The following LRRFIP1 variants were observed in gnomAD, a reference collection of about 807,000 sequenced individuals.
LRRFIP1 encodes the protein LRR binding FLII interacting protein 1.
Under a neutral mutation model 104.4 loss-of-function variants are expected in LRRFIP1, and 62 were observed. The ratio of observed to expected loss-of-function variants is 0.59; its 90% CI spans 0.48 to 0.73. LRRFIP1 has a LOEUF of 0.73. Ranked by LOEUF, LRRFIP1 falls within the 30% of genes least tolerant of loss-of-function variation. The probability of loss-of-function intolerance (pLI) is 0.00; values close to 1 mark genes in which losing one functional copy is unlikely to be tolerated. For missense variants in LRRFIP1, 796 were observed against 824.5 expected (o/e 0.97, Z 0.42); for synonymous variants, 300 against 299.0 (o/e 1.00, Z -0.03).
rs1012474794 is a variant in LRRFIP1 at position 237,692,259 on chromosome 2, C to A, written c.97-16285C>A. 9 of 1,148,398 alleles carry A rather than the reference C, an allele frequency of 7.8e-6. No homozygotes were observed. The African/African-American group carries it at 1.5e-4, about 19-fold the overall frequency. The allele number at this position is 1,148,398 out of a possible 1,614,324, so 71.1% of individuals were successfully genotyped here. A position where few individuals can be genotyped will look rare whatever the true frequency, so the allele number is the denominator to read the frequency against. On this transcript the variant is annotated intron_variant, in intron 1 of 23. Transcript: ENST00000308482. ...GCGGCCACCTGCGCCCCGCCCCTGTCGGCCGCGCCCGAGCCCAGCGCCGCG... is the reference window on the plus strand; with the variant it reads ...GCGGCCACCTGCGCCCCGCCCCTGTAGGCCGCGCCCGAGCCCAGCGCCGCG...
chr2:237,730,919 G>GACAAACAAACAAACAA (rs3053643), intron 8 of LRRFIP1, among the ~76,000 whole-genome samples: 64 of 151,424 alleles, frequency 4.2e-4, no homozygotes, highest in South Asian at 3.6e-3. Context: ...TTCCATCTCA[G>GACAAACAAACAAACAA]ACAAACAAAC....
chr2:237,631,646 C>T (rs1483995122), intron 1 of LRRFIP1, among the ~76,000 whole-genome samples: 5 of 152,150 alleles, frequency 3.3e-5, no homozygotes, highest in East Asian at 1.9e-4. Context: ...CCTCTCCTAC[C>T]GCATTTCACA....
Position 237,757,516 on chromosome 2 carries a change from G to T in LRRFIP1, c.1192G>T (p.Glu398Ter). Residue 398 changes from glutamate (E) to a stop codon, truncating the protein, a stop_gained, in exon 17 of 24, where the codon GAA (glutamate) becomes TAA (stop). Transcript: ENST00000308482. LOFTEE classifies it high-confidence loss of function. ...TATCAGGGAGATTTCTGATCTTCAGGAAACAATAGAGTGGAAAGACAAAAA... is the reference window on the plus strand; with the variant it reads ...TATCAGGGAGATTTCTGATCTTCAGTAAACAATAGAGTGGAAAGACAAAAA... ...SSIREISDLQ[E>*]TIEWKDKKIG... 1.3e-6 allele frequency: 2 copies of T among 1,591,108 alleles called. No homozygotes were observed. Among genetic ancestry groups the T allele is most frequent in the Non-Finnish European group, 8.6e-7 (1 of 1,168,396 alleles).
chr2:237,652,544 AG>A (rs2086111876), intron 1 of LRRFIP1, among the ~76,000 whole-genome samples: 1 of 152,256 alleles, frequency 6.6e-6, no homozygotes, highest in African/African-American at 2.4e-5. Context: ...TCCTCAAAAA[AG>A]TGAAATAGAA....
chr2:237,681,678 CTTTTTT>C (rs1172576547), intron 1 of LRRFIP1, among the ~76,000 whole-genome samples: 6 of 44,908 alleles, frequency 1.3e-4, no homozygotes, highest in African/African-American at 3.7e-4. Flanking sequence ...CAGTCCTATT[CTTTTTT>C]TTTTTTTTTT....
intron 1 of LRRFIP1, among the ~76,000 whole-genome samples, chr2:237,643,323 C>G (rs2084319559): frequency 6.6e-6 from 1 of 152,258 alleles, no homozygotes; most frequent in Non-Finnish European, 1.5e-5. Context: ...CTCAGAACCT[C>G]TGGGGGTGGA....
At chr2:237,657,407 T>C (rs995206508) in intron 1 of LRRFIP1, among the ~76,000 whole-genome samples, 7 of 151,980 alleles carry the variant, frequency 4.6e-5, no homozygotes, top group Admixed American at 3.3e-4. Flanking sequence ...CCAGAAAACA[T>C]AGAGATAGTA....
chr2:237,670,363 G>A lies in LRRFIP1; in HGVS notation c.97-38181G>A, dbSNP rs77358560. On this transcript the variant is annotated intron_variant, in intron 1 of 23. Transcript: ENST00000308482. ...GGCCCTAGGCCAGATGTACTAGGAG[G>A]CCCCTTCCTGGCTGTGATTTTAAGA... is the stretch of plus-strand genomic sequence containing the variant. 3.1e-3 allele frequency among the ~76,000 whole-genome samples: 475 copies of A among 152,320 alleles called. 8 individuals carry two copies. In the East Asian group the frequency reaches 0.047, roughly 15 times the overall value.
At chr2:237,769,919 C>T in intron 19 of LRRFIP1, 24 bp from the exon 20 acceptor site, 1 of 1,579,394 alleles carries the variant, frequency 6.3e-7, no homozygotes, top group Non-Finnish European at 8.6e-7. Flanking sequence ...TTCACCTAAA[C>T]CTGTGTCTTT....
intron 11 of LRRFIP1, among the ~76,000 whole-genome samples, chr2:237,743,098 G>T (rs1315233431): frequency 6.6e-6 from 1 of 152,142 alleles, no homozygotes; most frequent in Non-Finnish European, 1.5e-5. Flanking sequence ...GGATACAGTT[G>T]TTGTAGCGAG....
chr2:237,665,312 AAAT>A (rs2088998868), intron 1 of LRRFIP1, among the ~76,000 whole-genome samples: 2 of 152,234 alleles, frequency 1.3e-5, no homozygotes, highest in African/African-American at 4.8e-5. Flanking sequence ...TTACTTATTG[AAAT>A]AATGTTAATT....
In LRRFIP1 at chr2:237,735,358, C is replaced by A. The variant is rs1440248598; in HGVS notation, c.555+25C>A. 3 of 1,608,284 alleles carry A rather than the reference C, an allele frequency of 1.9e-6. No individual in the cohort carries two copies. The highest frequency in any genetic ancestry group is 1.7e-5 in the Admixed American group (1 of 59,670). ...TGTAAGGCGCTTTCGGTGATACCTC[C>A]TTTCCCCCGTGCCTGCTGCATGGCC... On this transcript the variant is annotated intron_variant, in intron 10 of 23. Transcript: ENST00000308482. The surrounding 1 kb of genome is among the most constrained non-coding windows in gnomAD (Gnocchi z 4.6).
intron 1 of LRRFIP1, among the ~76,000 whole-genome samples, chr2:237,676,422 G>T (rs551518933): frequency 1.3e-5 from 2 of 152,192 alleles, no homozygotes; most frequent in Admixed American, 1.3e-4. Flanking sequence ...GAAAATTCAC[G>T]TGGGGACATG....
intron 1 of LRRFIP1, among the ~76,000 whole-genome samples, chr2:237,641,496 CA>C (rs10645424): frequency 0.038 from 4,675 of 121,954 alleles, 197 homozygotes; most frequent in African/African-American, 0.12. Flanking sequence ...GACTCTGTCT[CA>C]AAAAAAAAAA....
chr2:237,719,050 A>T (rs1166875593), intron 4 of LRRFIP1, among the ~76,000 whole-genome samples: 1 of 152,278 alleles, frequency 6.6e-6, no homozygotes, highest in African/African-American at 2.4e-5. Context: ...ATTATAAGAT[A>T]CATCCCCAGC....
intron 19 of LRRFIP1, chr2:237,763,209 A>G (rs1380744600): frequency 2.5e-6 from 4 of 1,614,078 alleles, no homozygotes; most frequent in African/African-American, 1.3e-5. Context: ...AGGGATCACA[A>G]CGAAGAAGAG....
At chr2:237,670,364 C>A (rs539305789) in intron 1 of LRRFIP1, among the ~76,000 whole-genome samples, 41 of 152,264 alleles carry the variant, frequency 2.7e-4, no homozygotes, top group Non-Finnish European at 4.7e-4. Flanking sequence ...TACTAGGAGG[C>A]CCCTTCCTGG....
At chr2:237,724,429 A>G (rs1012092589) in intron 7 of LRRFIP1, among the ~76,000 whole-genome samples, 3 of 152,240 alleles carry the variant, frequency 2.0e-5, no homozygotes, top group African/African-American at 7.2e-5. Flanking sequence ...ATACATCTGC[A>G]TAGCATATTT....
chr2:237,767,536 T>G (rs931283527), intron 19 of LRRFIP1, among the ~76,000 whole-genome samples: 1 of 152,242 alleles, frequency 6.6e-6, no homozygotes. Context: ...TTTTTACTTA[T>G]AGGTTGTTAT....
Sources: allele counts gnomAD v4.1 joint callset (sites outside exome capture counted in the v4.1 genomes callset), GRCh38; gene constraint gnomAD v4.1.1; non-coding constraint Gnocchi (gnomAD v3.1); transcripts MANE v1.5; gene names NCBI Gene and HGNC (gene_info 2026-07-23, HGNC 2026-07-21).